The following DENND1A variants were observed in gnomAD, a reference collection of about 807,000 sequenced individuals.
The protein encoded by DENND1A is DENN domain containing 1A.
DENND1A carries 51 observed loss-of-function variants against 113.7 expected under a neutral mutation model. The ratio of observed to expected loss-of-function variants is 0.45; its 90% confidence interval spans 0.36 to 0.57. DENND1A has a LOEUF of 0.57. DENND1A is among the 20% of genes least tolerant of loss of function. The pLI, the probability that DENND1A is intolerant of heterozygous loss-of-function variation, is 0.00. For synonymous variants in DENND1A, 565 were observed against 570.8 expected (o/e 0.99, Z 0.14); for missense variants, 1,258 against 1,395.9 (o/e 0.90, Z 1.57).
intron 19 of DENND1A, chr9:123,414,224 G>A: frequency 8.4e-7 from 1 of 1,193,138 alleles, no homozygotes; most frequent in South Asian, 2.1e-5. Flanking sequence ...ACAGGTAACA[G>A]CACTGCCTAC....
intron 13 of DENND1A, among the ~76,000 whole-genome samples, chr9:123,521,877 C>T (rs2054422929): frequency 6.6e-6 from 1 of 152,216 alleles, no homozygotes; most frequent in Non-Finnish European, 1.5e-5. Flanking sequence ...TCCCGACCCA[C>T]TGCCCAGTGA....
intron 1 of DENND1A, among the ~76,000 whole-genome samples, chr9:123,918,112 T>G (rs753359803): frequency 4.1e-5 from 6 of 147,140 alleles, no homozygotes; most frequent in Non-Finnish European, 6.0e-5. Flanking sequence ...AGACTCTGTC[T>G]CAAAAAAAAT....
At chr9:123,706,770 CAAAAAAAAAAAAA>C (rs575483682) in intron 5 of DENND1A, among the ~76,000 whole-genome samples, 3 of 53,566 alleles carry the variant, frequency 5.6e-5, no homozygotes, top group East Asian at 8.3e-4. Flanking sequence ...GACTCCGTCT[CAAAAAAAAAAAAA>C]AAAAAAAAAA....
intron 5 of DENND1A, among the ~76,000 whole-genome samples, chr9:123,713,898 A>C (rs867977815): frequency 6.6e-6 from 1 of 152,180 alleles, no homozygotes; most frequent in Non-Finnish European, 1.5e-5. Flanking sequence ...ATTTGACTCT[A>C]GATCTGTCTG....
chr9:123,429,050 CAT>C (rs1288584002), intron 19 of DENND1A, among the ~76,000 whole-genome samples: 1 of 152,266 alleles, frequency 6.6e-6, no homozygotes, highest in African/African-American at 2.4e-5. Context: ...TTTTAAAATT[CAT>C]ATAGAACCAA....
At chr9:123,896,103 G>A (rs1207093153) in intron 1 of DENND1A, among the ~76,000 whole-genome samples, 1 of 152,046 alleles carries the variant, frequency 6.6e-6, no homozygotes, top group Non-Finnish European at 1.5e-5. Context: ...TATGAGACCA[G>A]CCTGGTTAGC....
intron 19 of DENND1A, among the ~76,000 whole-genome samples, chr9:123,433,296 C>T (rs2046276341): frequency 6.6e-6 from 1 of 152,202 alleles, no homozygotes; most frequent in South Asian, 2.1e-4. Flanking sequence ...ATTCTAAAAC[C>T]TGTGCTTCAT....
intron 13 of DENND1A, among the ~76,000 whole-genome samples, chr9:123,553,399 C>A (rs1422944421): frequency 4.5e-5 from 3 of 67,154 alleles, no homozygotes; most frequent in African/African-American, 2.0e-4. Flanking sequence ...TTTTAAAAGC[C>A]GCCCCCCCCC....
intron 10 of DENND1A, among the ~76,000 whole-genome samples, chr9:123,611,262 T>G (rs2060407025): frequency 6.6e-6 from 1 of 152,118 alleles, no homozygotes; most frequent in Non-Finnish European, 1.5e-5. Context: ...CCTGTGATAT[T>G]TTTTTTCCCC....
chr9:123,707,476 A>G (rs1486738306), intron 5 of DENND1A, among the ~76,000 whole-genome samples: 2 of 152,176 alleles, frequency 1.3e-5, no homozygotes, highest in African/African-American at 4.8e-5. Context: ...GAGGTATGGA[A>G]TAACTGGCAA....
chr9:123,620,252 A>G (rs900962599), intron 10 of DENND1A, among the ~76,000 whole-genome samples: 2 of 151,396 alleles, frequency 1.3e-5, no homozygotes, highest in African/African-American at 4.9e-5. Flanking sequence ...AAGAAAAAGA[A>G]AAAAAGGAAA....
At chr9:123,555,676 T>C (rs527620855) in intron 13 of DENND1A, among the ~76,000 whole-genome samples, 27 of 152,358 alleles carry the variant, frequency 1.8e-4, no homozygotes, top group Admixed American at 4.6e-4. Context: ...ATGGATTAAA[T>C]GGCTTGCTCA....
At chr9:123,707,395 CA>C (rs1017419177) in intron 5 of DENND1A, among the ~76,000 whole-genome samples, 2 of 136,320 alleles carry the variant, frequency 1.5e-5, no homozygotes, top group African/African-American at 2.8e-5. Context: ...AACTCCATCT[CA>C]AAAAGGAAAA....
chr9:123,457,746 AT>A, intron 14 of DENND1A, 46 bp downstream of exon 14: 1 of 1,535,712 alleles, frequency 6.5e-7, no homozygotes, highest in Non-Finnish European at 8.8e-7. Context: ...AGCTGCAGAA[AT>A]CCCCGCCAGG....
chr9:123,533,085 A>G (rs2055460815), intron 13 of DENND1A, among the ~76,000 whole-genome samples: 2 of 152,238 alleles, frequency 1.3e-5, no homozygotes, highest in South Asian at 4.1e-4. Flanking sequence ...GAAAGATCTC[A>G]TTCTGGCTTT....
chr9:123,889,485 AAATACC>A (rs1317497024), intron 1 of DENND1A, among the ~76,000 whole-genome samples: 1 of 152,230 alleles, frequency 6.6e-6, no homozygotes, highest in Non-Finnish European at 1.5e-5. Flanking sequence ...TTAGGCTTTC[AAATACC>A]GTCACTAAAA....
intron 3 of DENND1A, among the ~76,000 whole-genome samples, chr9:123,777,250 GC>G (rs1021705959): frequency 2.0e-5 from 3 of 152,204 alleles, no homozygotes; most frequent in African/African-American, 7.2e-5. Context: ...AGTATTGGAA[GC>G]CCCAGCCTTC....
At chr9:123,774,654 T>C (rs1830211754) in intron 3 of DENND1A, among the ~76,000 whole-genome samples, 1 of 152,158 alleles carries the variant, frequency 6.6e-6, no homozygotes, top group African/African-American at 2.4e-5. Flanking sequence ...AACATGCTGC[T>C]CAAATGCTAC....
chr9:123,558,943 AG>A (rs1450210221), intron 12 of DENND1A, among the ~76,000 whole-genome samples: 4 of 152,226 alleles, frequency 2.6e-5, no homozygotes, highest in African/African-American at 9.6e-5. Context: ...GCCCTCATTC[AG>A]CTGACATTCT....
Sources: allele counts gnomAD v4.1 joint callset (sites outside exome capture counted in the v4.1 genomes callset), GRCh38; gene constraint gnomAD v4.1.1; transcripts MANE v1.5; gene names NCBI Gene and HGNC (gene_info 2026-07-23, HGNC 2026-07-21).